Variants in LYAR observed in about 807,000 individuals in gnomAD.
The protein encoded by LYAR is Ly1 antibody reactive, also known as cell growth-regulating nucleolar protein.
Under a neutral mutation model 45.2 loss-of-function variants are expected in LYAR, and 37 were observed. That is an observed-to-expected ratio of 0.82 (90% CI 0.63 to 1.08). LYAR has a LOEUF of 1.08. Ranked by LOEUF, LYAR falls within the 50% of genes least tolerant of loss-of-function variation. The pLI is 0.00. For synonymous variants in LYAR, 176 were observed against 155.1 expected, an observed-to-expected ratio of 1.14 and a Z score of -1.00; for missense variants, 493 against 451.0, an observed-to-expected ratio of 1.09 and a Z score of -0.84.
At chr4:4,275,452 T>TTA (rs397779535) in intron 6 of LYAR, among the ~76,000 whole-genome samples, 1 of 151,168 alleles carries the variant, frequency 6.6e-6, no homozygotes, top group African/African-American at 2.4e-5. Context: ...TTTTTTTTTT[T>TTA]AATGGGGACA....
chr4:4,282,241 T>C (rs2108848882), intron 3 of LYAR, among the ~76,000 whole-genome samples: 1 of 152,312 alleles, frequency 6.6e-6, no homozygotes. Flanking sequence ...TTTTAAATTA[T>C]AAAAATCTCA....
Position 4,283,722 on chromosome 4 carries a change from A to G in LYAR, c.21T>C (p.Asn7=), listed in dbSNP as rs368841557. 1.9e-6 allele frequency: 3 copies of G among 1,611,710 alleles called. No homozygotes were observed. The highest frequency in any genetic ancestry group is 2.7e-5 in the African/African-American group (2 of 74,930). MVFFTC[N]ACGESVKKIQ... ...TTTTCTTCACTGATTCACCACATGC[A>G]TTGCATGTAAAAAATACCATTTTTA... The change falls in exon 3 of 10, where the codon AAT becomes AAC. Residue 7 remains asparagine, a synonymous_variant. Coordinates refer to ENST00000343470, the MANE Select transcript of LYAR (RefSeq NM_017816.3).
chr4:4,286,139 G>C (rs1719602786), intron 2 of LYAR, among the ~76,000 whole-genome samples: 1 of 152,196 alleles, frequency 6.6e-6, no homozygotes. Flanking sequence ...CACTTGCCAT[G>C]AAATGGGAAC....
chr4:4,269,231 C>T (rs544154501), intron 8 of LYAR, among the ~76,000 whole-genome samples: 11 of 152,316 alleles, frequency 7.2e-5, no homozygotes, highest in Middle Eastern at 6.8e-3. Context: ...AACCCAGCAA[C>T]CTGAACACCA....
intron 1 of LYAR, among the ~76,000 whole-genome samples, chr4:4,288,422 T>G (rs1577221714): frequency 6.6e-6 from 1 of 152,198 alleles, no homozygotes; most frequent in East Asian, 1.9e-4. Context: ...GGTTCTGAGA[T>G]TGGAATGATT....
chr4:4,279,905 TCTATTA>T (rs1207856934), intron 4 of LYAR, among the ~76,000 whole-genome samples, 156 bp from the exon 5 acceptor site: 1 of 152,218 alleles, frequency 6.6e-6, no homozygotes, highest in East Asian at 1.9e-4. Context: ...TAGGTTAACT[TCTATTA>T]ACATAGTACT....
At chr4:4,274,810 A>G in intron 6 of LYAR, 41 bp from the exon 7 acceptor site, 1 of 1,539,590 alleles carries the variant, frequency 6.5e-7, no homozygotes, top group Non-Finnish European at 8.8e-7. Context: ...ATTCATTTTA[A>G]ATGTGTAAAT....
At chr4:4,270,314 C>T (rs948119780) in intron 8 of LYAR, among the ~76,000 whole-genome samples, 3 of 74,580 alleles carry the variant, frequency 4.0e-5, no homozygotes, top group Non-Finnish European at 9.3e-5. Context: ...ATTTAGAAAA[C>T]AAAAAAATCT....
In LYAR at chr4:4,283,694, G is replaced by T; in HGVS notation, c.49C>A (p.Gln17Lys). 6.2e-7 allele frequency: 1 copy of T among 1,612,400 alleles called. No individual in the cohort carries two copies. Among genetic ancestry groups the T allele is most frequent in the Non-Finnish European group, 8.5e-7 (1 of 1,179,422 alleles). ...NACGESVKKI[Q>K]VEKHVSVCRN... ...CAAACAGACACATGCTTTTCCACTT[G>T]TATTTTCTTCACTGATTCACCACAT... Residue 17 changes from glutamine to lysine, a missense_variant, in exon 3 of 10, where the codon CAA (glutamine) becomes AAA (lysine). By Grantham distance (53) the Gln-to-Lys change is moderately conservative (BLOSUM62 1). Transcript: ENST00000343470.
At chr4:4,274,312 A>C in intron 7 of LYAR, 55 bp downstream of exon 7, 14 of 1,561,784 alleles carry the variant, frequency 9.0e-6, no homozygotes, top group Non-Finnish European at 1.2e-5. Flanking sequence ...AATATCCCAA[A>C]TTCACAGCTT....
At chr4:4,283,204 G>T (rs1032837752) in intron 3 of LYAR, among the ~76,000 whole-genome samples, 4 of 152,242 alleles carry the variant, frequency 2.6e-5, no homozygotes, top group African/African-American at 9.6e-5. Context: ...AGGCTGGAGT[G>T]CAGTGGTGAA....
chr4:4,283,474 C>T lies in LYAR; in HGVS notation c.122+147G>A, dbSNP rs1398327706. On this transcript the variant is annotated intron_variant, in intron 3 of 9. Transcript: ENST00000343470. ...TAGTAAAGCACATTTGAAAGAATCA[C>T]ACCAGTTTTAATCAATGGAACATAC... is the stretch of plus-strand genomic sequence containing the variant. 3 of 832,760 alleles carry T rather than the reference C, an allele frequency of 3.6e-6. No homozygotes were observed. The African/African-American group carries it at 5.2e-5, about 14-fold the overall frequency. The allele number at this position is 832,760 out of a possible 1,614,324, so 51.6% of individuals were successfully genotyped here. A position where few individuals can be genotyped will look rare whatever the true frequency, so the allele number is the denominator to read the frequency against.
At chr4:4,289,445 G>A (rs1298369486) in intron 1 of LYAR, among the ~76,000 whole-genome samples, 1 of 152,108 alleles carries the variant, frequency 6.6e-6, no homozygotes, top group East Asian at 1.9e-4. Flanking sequence ...TCAGAGGTAG[G>A]TGCTTCAGAG....
rs145136469 is a variant in LYAR at position 4,271,370 on chromosome 4, T to C, written c.919+2213A>G. Among the ~76,000 whole-genome samples, 77 of 152,348 alleles carry C rather than the reference T, an allele frequency of 5.1e-4. No homozygotes were observed. In the East Asian group the frequency reaches 0.015, roughly 29 times the overall value. ...TCTCATTCTTTTTATGGCTGAATAGTACTCCGCTGTGTACATGCACCACAT... is the reference window on the plus strand; with the variant it reads ...TCTCATTCTTTTTATGGCTGAATAGCACTCCGCTGTGTACATGCACCACAT... On this transcript the variant is annotated intron_variant, in intron 8 of 9. Coordinates refer to ENST00000343470, the MANE Select transcript of LYAR (RefSeq NM_017816.3).
chr4:4,274,250 A>C (rs370082717), intron 7 of LYAR, 117 bp downstream of exon 7: 52,833 of 1,183,366 alleles, frequency 0.045, 1,509 homozygotes, highest in South Asian at 0.1. Flanking sequence ...AAAAACAAAA[A>C]AAAAAAAAAC....
intron 8 of LYAR, 49 bp from the exon 9 acceptor site, chr4:4,268,664 G>A (rs370001049): frequency 2.2e-5 from 28 of 1,293,154 alleles, no homozygotes; most frequent in South Asian, 3.8e-5. Context: ...GTTGTACTAC[G>A]AGAAGGGTAA....
Position 4,267,904 on chromosome 4 carries a change from G to C in LYAR, c.1125C>G (p.Val375=), listed in dbSNP as rs1435168496. The C allele has an allele frequency of 6.2e-6, 10 of 1,610,802 alleles. No individual in the cohort carries two copies. Among genetic ancestry groups the C allele is most frequent in the African/African-American group, 4.0e-5 (3 of 74,752 alleles). ...NPTFKLLKDK[V]KLVK Reference sequence around the variant, plus strand: ...ACACAAATGTTCATTTCACAAGCTTGACTTTGTCCTTTAATAACTTAAAGG... The same window carrying C: ...ACACAAATGTTCATTTCACAAGCTTCACTTTGTCCTTTAATAACTTAAAGG... Residue 375 remains valine (V), a synonymous_variant, in exon 10 of 10, where the codon GTC becomes GTG. Transcript: ENST00000343470.
Position 4,290,144 on chromosome 4 carries a change from A to C in LYAR, c.-216T>G, listed in dbSNP as rs1475406082. On this transcript the variant is annotated 5_prime_UTR_variant, in exon 1 of 10. In the 5' UTR this introduces an upstream ATG that the reference lacks. Transcript: ENST00000343470. ...CTGCCTCTCAGGCTTCGCGGTGCAG[A>C]ATTCGCTTCTGAACCACCCAGCGCG... is the stretch of plus-strand genomic sequence containing the variant. 1 of 152,182 alleles carries C rather than the reference A, an allele frequency of 6.6e-6. No homozygotes were observed. Among genetic ancestry groups the C allele is most frequent in the East Asian group, 1.9e-4 (1 of 5,162 alleles). 9.4% of individuals were successfully genotyped at this position (152,182 alleles called of 1,614,324 possible). A position where few individuals can be genotyped will look rare whatever the true frequency, so the allele number is the denominator to read the frequency against.
At chr4:4,286,730 T>C (rs1308752521) in intron 1 of LYAR, among the ~76,000 whole-genome samples, 158 bp from the exon 2 acceptor site, 3 of 150,320 alleles carry the variant, frequency 2.0e-5, no homozygotes, top group Non-Finnish European at 4.4e-5. Flanking sequence ...CACTGCAAGC[T>C]CCGCCTCCCG....
Sources: gnomAD v4.1 joint callset for allele counts (sites outside exome capture counted in the v4.1 genomes callset) on GRCh38, gnomAD v4.1.1 for gene constraint, MANE v1.5 for transcripts, NCBI Gene and HGNC (gene_info 2026-07-23, HGNC 2026-07-21) for gene names.